Variants in MYO18B observed in about 807,000 individuals in gnomAD.
MYO18B encodes the protein myosin XVIIIB.
A neutral mutation model predicts 273.0 loss-of-function variants in MYO18B; 204 were observed. The observed-to-expected ratio is 0.75, with a 90% CI of 0.67 to 0.84. The LOEUF is 0.84. Among genes scored for constraint, MYO18B ranks in the 40% least tolerant of loss-of-function variants. The probability of loss-of-function intolerance (pLI) is 0.00; values close to 1 mark genes in which losing one functional copy is unlikely to be tolerated. For missense variants in MYO18B, 3,212 were observed against 3,287.6 expected, an observed-to-expected ratio of 0.98 and a Z score of 0.56; for synonymous variants, 1,330 against 1,305.7, an observed-to-expected ratio of 1.02 and a Z score of -0.40.
At chr22:25,930,108 T>G (rs1199851385) in intron 34 of MYO18B, among the ~76,000 whole-genome samples, 1 of 152,126 alleles carries the variant, frequency 6.6e-6, no homozygotes, top group East Asian at 1.9e-4. Flanking sequence ...GGTTCTTGCT[T>G]CTTTCACTGA....
intron 19 of MYO18B, 123 bp downstream of exon 19, chr22:25,846,406 C>A: frequency 9.3e-7 from 1 of 1,071,422 alleles, no homozygotes; most frequent in Non-Finnish European, 1.3e-6. Flanking sequence ...GGGCGAGTGT[C>A]ACCCCACGCT....
chr22:25,975,839 T>A (rs937767642), intron 39 of MYO18B, among the ~76,000 whole-genome samples: 1 of 152,172 alleles, frequency 6.6e-6, no homozygotes, highest in Non-Finnish European at 1.5e-5. Flanking sequence ...TTGGAGCAGC[T>A]GGTACTATAT....
chr22:25,757,968 T>A (rs906273818), intron 1 of MYO18B, among the ~76,000 whole-genome samples: 1 of 152,200 alleles, frequency 6.6e-6, no homozygotes, highest in East Asian at 1.9e-4. Flanking sequence ...GAAAAAGATA[T>A]AGTCACTTTG....
chr22:25,948,404 GTCTT>G (rs1426193856), intron 36 of MYO18B, among the ~76,000 whole-genome samples: 11 of 143,042 alleles, frequency 7.7e-5, no homozygotes, highest in Admixed American at 3.5e-4. Context: ...TCTTTTTCCT[GTCTT>G]TCCTTCCTTC....
chr22:26,024,789 G>A (rs1234370489), intron 42 of MYO18B, among the ~76,000 whole-genome samples: 2 of 152,240 alleles, frequency 1.3e-5, no homozygotes, highest in Non-Finnish European at 2.9e-5. Flanking sequence ...GGGGCGCTCA[G>A]GAAGGCAGGG....
intron 39 of MYO18B, among the ~76,000 whole-genome samples, chr22:25,976,566 A>ATGCTGTTTATTGGCATCTTT (rs2093092105): frequency 6.6e-6 from 1 of 152,174 alleles, no homozygotes; most frequent in African/African-American, 2.4e-5. Context: ...GCCTGGCCAC[A>ATGCTGTTTATTGGCATCTTT]TGCTGTTTAT....
chr22:26,002,544 G>A (rs192789297), intron 40 of MYO18B, among the ~76,000 whole-genome samples: 1 of 152,310 alleles, frequency 6.6e-6, no homozygotes, highest in African/African-American at 2.4e-5. Context: ...GATTACAGCA[G>A]AGAATACTGA....
At chr22:25,844,280 A>G (rs2090171549) in intron 18 of MYO18B, among the ~76,000 whole-genome samples, 1 of 152,116 alleles carries the variant, frequency 6.6e-6, no homozygotes, top group African/African-American at 2.4e-5. Flanking sequence ...AAAGCTCACC[A>G]TGTTCCCTGG....
intron 1 of MYO18B, among the ~76,000 whole-genome samples, chr22:25,753,082 C>T (rs911881702): frequency 7.4e-6 from 1 of 136,028 alleles, no homozygotes; most frequent in South Asian, 2.6e-4. Context: ...CCCGAGCCCC[C>T]CACCACTGGT....
At chr22:25,835,961 G>A (rs2089885569) in intron 17 of MYO18B, among the ~76,000 whole-genome samples, 1 of 152,220 alleles carries the variant, frequency 6.6e-6, no homozygotes, top group Admixed American at 6.5e-5. Flanking sequence ...GGCATGATGA[G>A]CTTCATGTTC....
At chr22:25,886,245 G>A (rs903677400) in intron 25 of MYO18B, among the ~76,000 whole-genome samples, 4 of 152,336 alleles carry the variant, frequency 2.6e-5, no homozygotes, top group East Asian at 1.9e-4. Flanking sequence ...ACTTAGTAGC[G>A]AGTGGTGAAC....
At chr22:26,023,743 C>T (rs1335086591) in intron 42 of MYO18B, among the ~76,000 whole-genome samples, 2 of 152,162 alleles carry the variant, frequency 1.3e-5, no homozygotes. Context: ...AGGGCCAGGA[C>T]AGGATGGAAA....
At chr22:25,790,167 A>G (rs891053623) in intron 11 of MYO18B, among the ~76,000 whole-genome samples, 2 of 152,276 alleles carry the variant, frequency 1.3e-5, no homozygotes, top group African/African-American at 4.8e-5. Flanking sequence ...AAAAACAACA[A>G]ACTTTCACAA....
Position 25,772,403 on chromosome 22 carries a change from C to G in MYO18B, c.1762C>G (p.Leu588Val), listed in dbSNP as rs771071248. 6.2e-7 allele frequency: 1 copy of G among 1,614,034 alleles called. No individual in the cohort carries two copies. The highest frequency in any genetic ancestry group is 1.1e-5 in the South Asian group (1 of 91,082). The stretch of plus-strand genomic sequence containing the variant: ...CATCAGTGTCAACGAATCCAGTGTC[C>G]TGAACACGCTTCTGCAGCGCTACAA... ...SLISVNESSVLNTLLQRYKAQ... is the reference protein window; with the variant it reads ...SLISVNESSVVNTLLQRYKAQ... The change falls in exon 7 of 44, where the codon CTG (leucine) becomes GTG (valine). Residue 588 changes from leucine (L) to valine (V), a missense_variant. Transcript: ENST00000335473.
intron 1 of MYO18B, among the ~76,000 whole-genome samples, chr22:25,752,675 T>A (rs1010164548): frequency 6.1e-4 from 93 of 151,968 alleles, no homozygotes; most frequent in African/African-American, 2.1e-3. Flanking sequence ...AAAATTTTTT[T>A]AGACATGGGG....
chr22:25,843,786 A>G lies in MYO18B; in HGVS notation c.3260A>G (p.His1087Arg). ...CAGCCCCTCCAGTGTGAGATTTTCCACCAGTTGGGATGGGACCCTGTGCGG... is the reference window on the plus strand; with the variant it reads ...CAGCCCCTCCAGTGTGAGATTTTCCGCCAGTTGGGATGGGACCCTGTGCGG... Reference protein sequence around the residue: ...CEQPLQCEIFHQLGWDPVRYD... With the variant: ...CEQPLQCEIFRQLGWDPVRYD... The change falls in exon 18 of 44, where the codon CAC (histidine) becomes CGC (arginine). Residue 1087 changes from histidine to arginine, a missense_variant. Coordinates refer to ENST00000335473, the MANE Select transcript of MYO18B (RefSeq NM_032608.7). The G allele has an allele frequency of 6.2e-7, 1 of 1,613,854 alleles. No homozygotes were observed.
At position 25,792,497 on chromosome 22, in the gene MYO18B, CTTT is replaced by C. The variant is rs58679561; in HGVS notation, c.2377-5442_2377-5440del. 6.5e-5 allele frequency among the ~76,000 whole-genome samples: 7 copies of C among 107,956 alleles called. 1 individual carries two copies. The highest frequency in any genetic ancestry group is 1.8e-4 in the African/African-American group (5 of 27,382). The allele number at this position is 107,956 out of a possible 152,430, so 70.8% of individuals were successfully genotyped here. On this transcript the variant is annotated intron_variant, in intron 11 of 43. Coordinates refer to ENST00000335473, the MANE Select transcript of MYO18B (RefSeq NM_032608.7). ...GTGATGTTTCTTTTTTTTTTCTTTTCTTTTTTTTTTTTTTTTGAGACAGAGTCT... is the reference window on the plus strand; with the variant it reads ...GTGATGTTTCTTTTTTTTTTCTTTTCTTTTTTTTTTTTTGAGACAGAGTCT...
At chr22:25,798,473 G>C (rs1004778842) in intron 12 of MYO18B, among the ~76,000 whole-genome samples, 1 of 152,158 alleles carries the variant, frequency 6.6e-6, no homozygotes, top group African/African-American at 2.4e-5. Flanking sequence ...GTAGCCAGTG[G>C]CTACTGTACT....
intron 25 of MYO18B, among the ~76,000 whole-genome samples, chr22:25,887,760 G>C (rs1218308906): frequency 1.3e-5 from 2 of 152,160 alleles, no homozygotes; most frequent in African/African-American, 4.8e-5. Flanking sequence ...CCTTGTCTCT[G>C]AGAAAAACAT....
Sources: allele counts gnomAD v4.1 joint callset (sites outside exome capture counted in the v4.1 genomes callset), GRCh38; gene constraint gnomAD v4.1.1; transcripts MANE v1.5; gene names NCBI Gene and HGNC (gene_info 2026-07-23, HGNC 2026-07-21).